The following RGS12 variants were observed in gnomAD, a reference collection of about 807,000 sequenced individuals.
RGS12 encodes the protein regulator of G protein signaling 12.
RGS12 carries 66 observed loss-of-function variants against 120.1 expected under a neutral mutation model. The ratio of observed to expected loss-of-function variants is 0.55; its 90% confidence interval spans 0.45 to 0.67. The LOEUF (loss-of-function observed/expected upper bound fraction) is 0.67, where lower values mean the gene tolerates loss of function less well. Among genes scored for constraint, RGS12 ranks in the 30% least tolerant of loss-of-function variants. The pLI, the probability that RGS12 is intolerant of heterozygous loss-of-function variation, is 0.00. For missense variants in RGS12, 1,859 were observed against 1,957.7 expected (o/e 0.95, Z 0.95); for synonymous variants, 827 against 804.7 (o/e 1.03, Z -0.47).
At chr4:3,337,004 A>T (rs1347076756) in intron 2 of RGS12, among the ~76,000 whole-genome samples, 1 of 152,228 alleles carries the variant, frequency 6.6e-6, no homozygotes, top group African/African-American at 2.4e-5. Flanking sequence ...GTAGAAAAAA[A>T]AATGAAGAAA....
intron 2 of RGS12, chr4:3,323,966 C>CA (rs1270608368): frequency 2.0e-5 from 3 of 151,854 alleles, no homozygotes; most frequent in African/African-American, 7.3e-5. Flanking sequence ...GAAAACTCAA[C>CA]AGTGTTCATT....
At position 3,372,568 on chromosome 4, in the gene RGS12, G is replaced by A. The variant is rs990554496; in HGVS notation, c.1999-13848G>A. ...CAGAGGCCGCCTCGGGTGCATCCAC[G>A]CTGGCCCCCCCAGGTGTGCCCTGTG... On this transcript the variant is annotated intron_variant, in intron 3 of 17. Transcript: ENST00000336727. The surrounding 1 kb of genome is among the most constrained non-coding windows in gnomAD (Gnocchi z 4.3). Among the ~76,000 whole-genome samples, 1 of 152,200 alleles carries A rather than the reference G, an allele frequency of 6.6e-6. No individual in the cohort carries two copies. The highest frequency in any genetic ancestry group is 1.5e-5 in the Non-Finnish European group (1 of 68,042).
chr4:3,428,788 T>G (rs956859715), intron 16 of RGS12, 77 bp downstream of exon 16: 2 of 1,310,510 alleles, frequency 1.5e-6, no homozygotes, highest in African/African-American at 3.0e-5. Context: ...AGATCTGCTT[T>G]GAGCTGTCAG....
intron 13 of RGS12, 175 bp downstream of exon 13, chr4:3,423,816 C>G: frequency 1.4e-6 from 1 of 691,900 alleles, no homozygotes; most frequent in African/African-American, 1.8e-5. Context: ...TCGTTCTGTG[C>G]AGTGGGAGCC....
intron 3 of RGS12, among the ~76,000 whole-genome samples, chr4:3,377,208 G>A (rs1210281136): frequency 6.6e-6 from 1 of 151,944 alleles, no homozygotes; most frequent in Non-Finnish European, 1.5e-5. Context: ...AGTAGCTGGA[G>A]CTATAGGCAC....
At chr4:3,387,480 G>A (rs1330955099) in intron 4 of RGS12, among the ~76,000 whole-genome samples, 1 of 152,220 alleles carries the variant, frequency 6.6e-6, no homozygotes, top group African/African-American at 2.4e-5. Context: ...GTGGGCCAGC[G>A]GCTCTGTAGG....
In RGS12 at chr4:3,410,576, G is replaced by A. The variant is rs145442974; in HGVS notation, c.2021-3496G>A. Among the ~76,000 whole-genome samples the A allele has an allele frequency of 3.0e-3, 464 of 152,316 alleles. 7 individuals are homozygous for A. The highest frequency in any genetic ancestry group is 0.011 in the African/African-American group (448 of 41,558). On this transcript the variant is annotated intron_variant, in intron 4 of 17. Coordinates refer to ENST00000336727, the MANE Select transcript of RGS12 (RefSeq NM_001394154.1). ...GTGGCTGATGAACGAAGTGCACCCCGGCAGCAGTAGCCGGCTCTGGGCATT... is the reference window on the plus strand; with the variant it reads ...GTGGCTGATGAACGAAGTGCACCCCAGCAGCAGTAGCCGGCTCTGGGCATT...
At position 3,317,341 on chromosome 4, in the gene RGS12, C is replaced by G. The variant is rs1264990079; in HGVS notation, c.1171C>G (p.Arg391Gly). ...PVLQFISVLY[R>G]DMGELIEGMR... ...CCTGCAGTTCATCTCTGTCCTGTAC[C>G]GAGACATGGGTGAGCTGATTGAGGG... Residue 391 changes from arginine to glycine, a missense_variant, in exon 2 of 18, where the codon CGA becomes GGA. This residue lies in a region of RGS12 where 967 missense variants were observed against 994.2 expected (regional missense o/e 0.97). Transcript: ENST00000336727. 7 of 1,613,990 alleles carry G rather than the reference C, an allele frequency of 4.3e-6. No homozygotes were observed. The East Asian group carries it at 1.1e-4, about 26-fold the overall frequency.
intron 9 of RGS12, 125 bp downstream of exon 9, chr4:3,417,666 C>A: frequency 1.0e-6 from 1 of 990,968 alleles, no homozygotes; most frequent in Non-Finnish European, 1.5e-6. Flanking sequence ...GTTGGCGGGT[C>A]GAGGAAGCTT....
In RGS12 at chr4:3,422,567, C is replaced by G; in HGVS notation, c.3030C>G (p.Asp1010Glu). The change falls in exon 11 of 18, where the codon GAC becomes GAG. Residue 1010 changes from aspartate (D) to glutamate (E), a missense_variant. Asp to Glu is a conservative substitution (Grantham distance 45, BLOSUM62 2). Coordinates refer to ENST00000336727, the MANE Select transcript of RGS12 (RefSeq NM_001394154.1). ...CGGACCTCTTCCTGGTGGGCGGGGA[C>G]AAGGTACTGGGCCCGCCTGACCCTC... ...AAADLFLVGG[D>E]KPLVLHQDSS... 1 of 1,611,458 alleles carries G rather than the reference C, an allele frequency of 6.2e-7. No individual in the cohort carries two copies. The highest frequency in any genetic ancestry group is 8.5e-7 in the Non-Finnish European group (1 of 1,179,772).
rs548935156 is a variant in RGS12, at chr4:3,409,615, G to A, written c.2021-4457G>A. Among the ~76,000 whole-genome samples, 24 of 152,354 alleles carry A rather than the reference G, an allele frequency of 1.6e-4. No individual in the cohort carries two copies. In the South Asian group the frequency reaches 2.7e-3, roughly 17 times the overall value. On this transcript the variant is annotated intron_variant, in intron 4 of 17. Transcript: ENST00000336727. ...GCCAGGGAACAGGGGAGGTGGGCCC[G>A]GGGGCTGGTGTGGGACTTCCACATG...
chr4:3,409,376 A>G (rs1344171700), intron 4 of RGS12, among the ~76,000 whole-genome samples: 1 of 152,276 alleles, frequency 6.6e-6, no homozygotes, highest in African/African-American at 2.4e-5. Flanking sequence ...AGACTTTTAA[A>G]GGGTCAGTTA....
chr4:3,362,019 C>A (rs1203308088), intron 3 of RGS12, among the ~76,000 whole-genome samples: 1 of 152,200 alleles, frequency 6.6e-6, no homozygotes, highest in Non-Finnish European at 1.5e-5. Context: ...AGCGCTCCCC[C>A]TCGTCACCCT....
intron 1 of RGS12, among the ~76,000 whole-genome samples, chr4:3,311,062 G>T (rs927694279): frequency 2.0e-5 from 3 of 152,178 alleles, no homozygotes; most frequent in Non-Finnish European, 4.4e-5. Flanking sequence ...AGTCCTGGCC[G>T]TGGCGGCTGC....
intron 2 of RGS12, among the ~76,000 whole-genome samples, chr4:3,337,409 C>G (rs909970402): frequency 2.6e-5 from 4 of 152,204 alleles, no homozygotes; most frequent in African/African-American, 9.6e-5. Flanking sequence ...AGGAGATGCT[C>G]TTTATACACA....
At chr4:3,352,226 G>T (rs986502143) in intron 3 of RGS12, among the ~76,000 whole-genome samples, 1 of 152,112 alleles carries the variant, frequency 6.6e-6, no homozygotes, top group African/African-American at 2.4e-5. Context: ...CAGATGCAAG[G>T]TCCTTTATTA....
chr4:3,335,658 TG>T (rs1197036937), intron 2 of RGS12, among the ~76,000 whole-genome samples: 1 of 152,132 alleles, frequency 6.6e-6, no homozygotes, highest in Non-Finnish European at 1.5e-5. Flanking sequence ...TCAGAAACAA[TG>T]GATGGGCTGG....
intron 3 of RGS12, among the ~76,000 whole-genome samples, chr4:3,358,862 C>T (rs1285510335): frequency 2.0e-5 from 3 of 147,150 alleles, no homozygotes; most frequent in Non-Finnish European, 4.5e-5. Flanking sequence ...CCTTCCCCTC[C>T]TCCGCCTCCC....
At position 3,417,028 on chromosome 4, in the gene RGS12, C is replaced by G. The variant is rs755428117; in HGVS notation, c.2543C>G (p.Pro848Arg). 9 of 1,613,272 alleles carry G rather than the reference C, an allele frequency of 5.6e-6. No individual in the cohort carries two copies. In the South Asian group the frequency reaches 9.9e-5, roughly 18 times the overall value. Residue 848 changes from proline (P) to arginine (R), a missense_variant, in exon 8 of 18, where the codon CCC (proline) becomes CGC (arginine). Transcript: ENST00000336727. ...GCACTCCCGGACTCGCAGCAGGTCC[C>G]CAGCAGCCCGGCTTCCAAGCACAGC... ...GRALPDSQQV[P>R]SSPASKHSLG...
Sources: allele counts gnomAD v4.1 joint callset (sites outside exome capture counted in the v4.1 genomes callset), GRCh38; gene constraint gnomAD v4.1.1; regional missense constraint gnomAD v4.1.1; non-coding constraint Gnocchi (gnomAD v3.1); transcripts MANE v1.5; gene names NCBI Gene and HGNC (gene_info 2026-07-23, HGNC 2026-07-21).